Variants in COL5A2 observed in about 807,000 individuals in gnomAD.
COL5A2 encodes the protein collagen type V alpha 2 chain, also known as collagen alpha-2(V) chain.
A neutral mutation model predicts 208.2 loss-of-function variants in COL5A2; 23 were observed. The observed-to-expected ratio is 0.11, with a 90% CI of 0.08 to 0.16. The LOEUF (loss-of-function observed/expected upper bound fraction) is 0.16. Ranked by LOEUF, COL5A2 falls within the 10% of genes least tolerant of loss-of-function variation. The pLI, the probability that COL5A2 is intolerant of heterozygous loss-of-function variation, is 1.00. For missense variants in COL5A2, 1,590 were observed against 1,956.4 expected, an observed-to-expected ratio of 0.81 and a Z score of 3.53; for synonymous variants, 625 against 628.5, an observed-to-expected ratio of 0.99 and a Z score of 0.08.
intron 16 of COL5A2, among the ~76,000 whole-genome samples, chr2:189,076,450 G>A (rs1313560154): frequency 2.0e-5 from 3 of 152,098 alleles, no homozygotes; most frequent in African/African-American, 4.8e-5. Flanking sequence ...GCAATATCTC[G>A]GGCATTTGAG....
intron 5 of COL5A2, 143 bp downstream of exon 5, chr2:189,098,584 G>A (rs1686969838): frequency 5.8e-6 from 4 of 686,860 alleles, no homozygotes; most frequent in Non-Finnish European, 7.7e-6. Context: ...TGTCTAACTT[G>A]AAGATGGTTT....
At chr2:189,048,127 A>G (rs1685707880) in intron 45 of COL5A2, 82 bp downstream of exon 45, 4 of 1,309,566 alleles carry the variant, frequency 3.1e-6, no homozygotes, top group Admixed American at 1.7e-5. Flanking sequence ...ACTATCAGGA[A>G]AAATGACAGT....
rs367764199 is a variant in COL5A2 at position 189,051,285 on chromosome 2, T to G, written c.2931+35A>C. 73 of 1,613,672 alleles carry G rather than the reference T, an allele frequency of 4.5e-5. 2 individuals carry two copies. In the Middle Eastern group the frequency reaches 2.6e-3, roughly 58 times the overall value. ...GGGTTTCTATTTGTAAATATCTCAG[T>G]TGAAGGTGGTCTGGAACGGATACGC... On this transcript the variant is annotated intron_variant, in intron 42 of 53. Coordinates refer to ENST00000374866, the MANE Select transcript of COL5A2 (RefSeq NM_000393.5).
At chr2:189,096,809 C>T (rs1686927496) in intron 6 of COL5A2, among the ~76,000 whole-genome samples, 1 of 152,066 alleles carries the variant, frequency 6.6e-6, no homozygotes, top group African/African-American at 2.4e-5. Flanking sequence ...AATGGGATTG[C>T]TGATTTTTAA....
At chr2:189,385,331 A>T in the COL5A2 span, among the ~76,000 whole-genome samples, 1 of 152,166 alleles carries the variant, frequency 6.6e-6, no homozygotes, top group Admixed American at 6.6e-5. Flanking sequence ...ATACACCAAT[A>T]ACATTCTAGC....
At chr2:189,374,354 A>G in the COL5A2 span, among the ~76,000 whole-genome samples, 1 of 151,960 alleles carries the variant, frequency 6.6e-6, no homozygotes, top group African/African-American at 2.4e-5. Flanking sequence ...TAGTTTCTAA[A>G]GTCTCTGTGA....
the COL5A2 span, among the ~76,000 whole-genome samples, chr2:189,378,509 G>A: frequency 3.9e-4 from 60 of 152,260 alleles, no homozygotes; most frequent in African/African-American, 1.4e-3. Flanking sequence ...AGGATCATGA[G>A]GTCAAGAGAT....
At chr2:189,056,927 T>C (rs779311886) in intron 35 of COL5A2, 46 bp downstream of exon 35, 6 of 1,571,572 alleles carry the variant, frequency 3.8e-6, no homozygotes, top group Middle Eastern at 1.7e-4. Flanking sequence ...TATGATACTG[T>C]AATGTTGGTT....
intron 1 of COL5A2, among the ~76,000 whole-genome samples, chr2:189,198,791 A>T (rs945881041): frequency 1.3e-4 from 20 of 152,172 alleles, no homozygotes; most frequent in African/African-American, 4.8e-4. Context: ...ATTGGAAATG[A>T]TGGTCAACAT....
intron 1 of COL5A2, among the ~76,000 whole-genome samples, chr2:189,153,894 A>G (rs1175831129): frequency 1.3e-5 from 2 of 151,990 alleles, no homozygotes; most frequent in Non-Finnish European, 2.9e-5. Context: ...GGTAAGACGC[A>G]TTTTCCTTAA....
the COL5A2 span, among the ~76,000 whole-genome samples, chr2:189,317,925 T>C: frequency 5.3e-5 from 8 of 152,316 alleles, no homozygotes; most frequent in South Asian, 1.4e-3. Context: ...GCACTAAATG[T>C]GATCATAATT....
At chr2:189,393,643 C>T in the COL5A2 span, among the ~76,000 whole-genome samples, 6 of 152,106 alleles carry the variant, frequency 3.9e-5, no homozygotes, top group African/African-American at 1.4e-4. Flanking sequence ...ACAACAGTGA[C>T]TCAACTCTTT....
chr2:189,212,542 G>A (rs1020940815), intron 1 of COL5A2, among the ~76,000 whole-genome samples: 1 of 151,818 alleles, frequency 6.6e-6, no homozygotes, highest in Non-Finnish European at 1.5e-5. Context: ...AGGAGGCTGA[G>A]GCAGGAGAAT....
At chr2:189,061,514 G>T in intron 30 of COL5A2, 48 bp downstream of exon 30, 2 of 1,314,710 alleles carry the variant, frequency 1.5e-6, no homozygotes, top group Non-Finnish European at 2.2e-6. Flanking sequence ...AAAAAAAAAA[G>T]CATTTTAGTT....
the COL5A2 span, among the ~76,000 whole-genome samples, chr2:189,317,190 T>C: frequency 6.6e-6 from 1 of 152,250 alleles, no homozygotes; most frequent in Admixed American, 6.5e-5. Flanking sequence ...AGAGTTCAGG[T>C]TCCTAAGATT....
At chr2:189,313,029 G>A in the COL5A2 span, among the ~76,000 whole-genome samples, 1 of 152,074 alleles carries the variant, frequency 6.6e-6, no homozygotes, top group Non-Finnish European at 1.5e-5. Context: ...CAACCTGACA[G>A]AGCTGAAAAA....
chr2:189,156,914 C>T (rs1417387468), intron 1 of COL5A2, among the ~76,000 whole-genome samples: 1 of 151,872 alleles, frequency 6.6e-6, no homozygotes, highest in Non-Finnish European at 1.5e-5. Context: ...AGATTAGTTG[C>T]CACAGTAGCT....
chr2:189,087,718 T>C (rs57834784), intron 8 of COL5A2, among the ~76,000 whole-genome samples: 19,860 of 151,090 alleles, frequency 0.13, 1,331 homozygotes, highest in Middle Eastern at 0.19. Flanking sequence ...CCGTCTGCCA[T>C]GGCCTCCCAA....
the COL5A2 span, among the ~76,000 whole-genome samples, chr2:189,424,500 A>G: frequency 1.2e-4 from 18 of 152,212 alleles, no homozygotes; most frequent in Admixed American, 4.6e-4. Flanking sequence ...TACAAAATCA[A>G]CATACAAAAG....
Sources: allele counts gnomAD v4.1 joint callset (sites outside exome capture counted in the v4.1 genomes callset), GRCh38; gene constraint gnomAD v4.1.1; transcripts MANE v1.5; gene names NCBI Gene and HGNC (gene_info 2026-07-23, HGNC 2026-07-21).